CPNE5: variants seen among roughly 807,000 people sequenced by gnomAD.
CPNE5 encodes copine 5.
CPNE5 carries 42 observed loss-of-function variants against 81.1 expected under a neutral mutation model. The ratio of observed to expected loss-of-function variants is 0.52; its 90% CI spans 0.40 to 0.67. The LOEUF (loss-of-function observed/expected upper bound fraction) is 0.67. Ranked by LOEUF, CPNE5 falls within the 30% of genes least tolerant of loss-of-function variation. The pLI is 0.00. For missense variants in CPNE5, 612 were observed against 815.5 expected, an observed-to-expected ratio of 0.75 and a Z score of 3.04; for synonymous variants, 313 against 321.5, an observed-to-expected ratio of 0.97 and a Z score of 0.28.
chr6:36,753,712 C>T (rs575536938), intron 13 of CPNE5, among the ~76,000 whole-genome samples: 34 of 152,358 alleles, frequency 2.2e-4, no homozygotes, highest in African/African-American at 7.9e-4. Flanking sequence ...GGCCCCCTCC[C>T]CCAAGCAGAG....
At chr6:36,774,594 A>T (rs139475428) in intron 10 of CPNE5, among the ~76,000 whole-genome samples, 2 of 152,008 alleles carry the variant, frequency 1.3e-5, no homozygotes, top group South Asian at 4.1e-4. Context: ...AAGCTGCTGA[A>T]CTCCAGGCCT....
intron 8 of CPNE5, among the ~76,000 whole-genome samples, chr6:36,788,465 A>T (rs1302265287): frequency 6.6e-6 from 1 of 152,086 alleles, no homozygotes; most frequent in Non-Finnish European, 1.5e-5. Flanking sequence ...GAGGATTAGG[A>T]GTTCCAAGGC....
chr6:36,796,650 G>T (rs59321958), intron 6 of CPNE5, among the ~76,000 whole-genome samples: 1,857 of 152,252 alleles, frequency 0.012, 47 homozygotes, highest in African/African-American at 0.043. Context: ...AGAGGGAGGG[G>T]CCTAGCAAAT....
At chr6:36,809,974 G>A (rs1201755211) in intron 3 of CPNE5, among the ~76,000 whole-genome samples, 1 of 151,862 alleles carries the variant, frequency 6.6e-6, no homozygotes, top group African/African-American at 2.4e-5. Flanking sequence ...CCGTGACAAT[G>A]AAATTATTAT....
At chr6:36,782,751 G>A (rs1768142964) in intron 8 of CPNE5, among the ~76,000 whole-genome samples, 1 of 151,762 alleles carries the variant, frequency 6.6e-6, no homozygotes, top group Non-Finnish European at 1.5e-5. Context: ...CCGAGATTGC[G>A]CCACTACACT....
At chr6:36,775,125 G>A (rs866459758) in intron 9 of CPNE5, 60 bp from the exon 10 acceptor site, 17 of 1,237,058 alleles carry the variant, frequency 1.4e-5, no homozygotes, top group Non-Finnish European at 1.9e-5. Flanking sequence ...GGCGAATGCA[G>A]GTCAACAGAG....
At chr6:36,751,335 A>G (rs1764799641) in intron 14 of CPNE5, among the ~76,000 whole-genome samples, 1 of 152,200 alleles carries the variant, frequency 6.6e-6, no homozygotes, top group Non-Finnish European at 1.5e-5. Flanking sequence ...GGCAGGCTAG[A>G]CTGATTCATT....
chr6:36,767,263 C>A (rs1174125833), intron 10 of CPNE5, among the ~76,000 whole-genome samples: 1 of 152,308 alleles, frequency 6.6e-6, no homozygotes, highest in East Asian at 1.9e-4. Flanking sequence ...AAATCAGTGG[C>A]AGCTTTTCAG....
intron 1 of CPNE5, among the ~76,000 whole-genome samples, chr6:36,829,082 T>C (rs563952275): frequency 6.6e-6 from 1 of 152,200 alleles, no homozygotes; most frequent in African/African-American, 2.4e-5. Context: ...CCCCCTCTCT[T>C]CTCCCTAAAG....
At chr6:36,775,122 G>T (rs963047698) in intron 9 of CPNE5, 57 bp from the exon 10 acceptor site, 1 of 1,329,638 alleles carries the variant, frequency 7.5e-7, no homozygotes, top group Non-Finnish European at 1.1e-6. Context: ...GGAGGCGAAT[G>T]CAGGTCAACA....
At chr6:36,806,189 G>A (rs1285065396) in intron 3 of CPNE5, among the ~76,000 whole-genome samples, 1 of 152,176 alleles carries the variant, frequency 6.6e-6, no homozygotes. Context: ...GGAGGCTGGA[G>A]AGTCTCGGGC....
At chr6:36,795,463 G>A (rs780497135) in intron 6 of CPNE5, among the ~76,000 whole-genome samples, 2 of 152,190 alleles carry the variant, frequency 1.3e-5, no homozygotes, top group Non-Finnish European at 2.9e-5. Flanking sequence ...ACAGGCGTGA[G>A]CCACCATGCC....
chr6:36,742,355 C>A lies in CPNE5; in HGVS notation c.1695G>T (p.Pro565=). The part of the protein sequence containing the change: ...VSYMKAQGIR[P]RPPPAAPTHS... Reference sequence around the variant, plus strand: ...GGGTTGGTGCTGCGGGTGGGGGACGCGGGCGAATGCCCTGTGCCTTCATGT... The same window carrying A: ...GGGTTGGTGCTGCGGGTGGGGGACGAGGGCGAATGCCCTGTGCCTTCATGT... Residue 565 remains proline (P), a synonymous_variant, in exon 21 of 21, where the codon CCG becomes CCT. Transcript: ENST00000244751. 6.2e-7 allele frequency: 1 copy of A among 1,613,190 alleles called. No homozygotes were observed. The highest frequency in any genetic ancestry group is 8.5e-7 in the Non-Finnish European group (1 of 1,179,920).
At chr6:36,761,900 A>G (rs977427754) in intron 12 of CPNE5, among the ~76,000 whole-genome samples, 1 of 152,092 alleles carries the variant, frequency 6.6e-6, no homozygotes, top group Non-Finnish European at 1.5e-5. Flanking sequence ...GGCTGGGAAG[A>G]CCTCACAGAG....
At chr6:36,775,477 C>T (rs1767421127) in intron 9 of CPNE5, among the ~76,000 whole-genome samples, 2 of 152,306 alleles carry the variant, frequency 1.3e-5, no homozygotes, top group South Asian at 4.1e-4. Context: ...AGCAGATGAA[C>T]CTCAGGGGTC....
chr6:36,779,085 T>C, intron 8 of CPNE5, 128 bp from the exon 9 acceptor site: 1 of 634,906 alleles, frequency 1.6e-6, no homozygotes, highest in Non-Finnish European at 2.9e-6. Context: ...TGCCAGGCCC[T>C]TATTCCATCC....
intron 11 of CPNE5, among the ~76,000 whole-genome samples, chr6:36,763,699 T>C (rs1766279165): frequency 6.6e-6 from 1 of 152,164 alleles, no homozygotes; most frequent in South Asian, 2.1e-4. Context: ...TTAGACATTT[T>C]CAATGAAGCA....
In CPNE5 at chr6:36,756,259, C is replaced by T. The variant is rs755548982; in HGVS notation, c.895G>A (p.Val299Met). The T allele has an allele frequency of 9.9e-6, 16 of 1,613,636 alleles. No homozygotes were observed. The highest frequency in any genetic ancestry group is 8.9e-5 in the East Asian group (4 of 44,906). Residue 299 changes from valine to methionine, a missense_variant, in exon 13 of 21, where the codon GTG becomes ATG. Transcript: ENST00000244751. The stretch of plus-strand genomic sequence containing the variant: ...TGGCTACTCACTGTGCCAGAATTCA[C>T]GTATTTCTTTTTCTTCATTTTCTTT... ...PKKKMKKKKY[V>M]NSGTVTLLSF...
Position 36,741,989 on chromosome 6 carries a change from C to A in CPNE5, c.*279G>T. ...ACCCCAATCACCCTTATTGTTTACA[C>A]CTTCCTGGCTGGGTTAGAGCCAGGT... On this transcript the variant is annotated 3_prime_UTR_variant, in exon 21 of 21. Transcript: ENST00000244751. 2.2e-6 allele frequency: 1 copy of A among 446,222 alleles called. No individual in the cohort carries two copies. Among genetic ancestry groups the A allele is most frequent in the East Asian group, 3.5e-5 (1 of 28,450 alleles). 27.6% of individuals were successfully genotyped at this position (446,222 alleles called of 1,614,324 possible).
Sources: gnomAD v4.1 joint callset for allele counts (sites outside exome capture counted in the v4.1 genomes callset) on GRCh38, gnomAD v4.1.1 for gene constraint, MANE v1.5 for transcripts, NCBI Gene and HGNC (gene_info 2026-07-23, HGNC 2026-07-21) for gene names.